SYCP2L: variants seen among roughly 807,000 people sequenced by gnomAD.
SYCP2L encodes synaptonemal complex protein 2 like.
A neutral mutation model predicts 125.8 loss-of-function variants in SYCP2L; 98 were observed. The ratio of observed to expected loss-of-function variants is 0.78; its 90% CI spans 0.66 to 0.92. SYCP2L has a LOEUF of 0.92. Among genes scored for constraint, SYCP2L ranks in the 40% least tolerant of loss-of-function variants. The probability of loss-of-function intolerance (pLI) is 0.00; values close to 1 mark genes in which losing one functional copy is unlikely to be tolerated. For missense variants in SYCP2L, 842 were observed against 936.4 expected, an observed-to-expected ratio of 0.90 and a Z score of 1.32; for synonymous variants, 317 against 325.4, an observed-to-expected ratio of 0.97 and a Z score of 0.28.
At position 10,927,341 on chromosome 6, in the gene SYCP2L, AT is replaced by A; in HGVS notation, c.1416del (p.Ile472MetfsTer57). ...AAATGACCAATCTGAGCCACCTGTT[AT>A]TGGGGAACCTGCCTCTGATAGTCAC... ...HLNDQSEPPV[I>X]GEPASDSHLQ... is the part of the protein sequence containing the mutation. On this transcript the variant is annotated frameshift_variant, in exon 17 of 30. Coordinates refer to ENST00000283141, the MANE Select transcript of SYCP2L (RefSeq NM_001040274.3). LOFTEE classifies it high-confidence loss of function. 1.2e-6 allele frequency: 2 copies of A among 1,613,816 alleles called. No individual in the cohort carries two copies. The highest frequency in any genetic ancestry group is 1.7e-6 in the Non-Finnish European group (2 of 1,179,994).
chr6:10,930,115 C>T, intron 18 of SYCP2L: 1 of 294,778 alleles, frequency 3.4e-6, no homozygotes, highest in Non-Finnish European at 6.2e-6. Flanking sequence ...GAACAGTCAT[C>T]CACCATCTCT....
At chr6:10,922,659 T>C (rs1203947260) in intron 14 of SYCP2L, 2 of 152,040 alleles carry the variant, frequency 1.3e-5, no homozygotes, top group African/African-American at 2.4e-5. Context: ...TTTTAAGATA[T>C]TTAAGATTAC....
intron 29 of SYCP2L, among the ~76,000 whole-genome samples, chr6:10,971,016 A>G (rs550733432): frequency 6.6e-6 from 1 of 152,286 alleles, no homozygotes; most frequent in Non-Finnish European, 1.5e-5. Context: ...GTTACCGAGG[A>G]TCAGAGTTTG....
chr6:10,904,009 TTCA>T (rs1255945355), intron 8 of SYCP2L, among the ~76,000 whole-genome samples: 2 of 152,176 alleles, frequency 1.3e-5, no homozygotes, highest in African/African-American at 4.8e-5. Flanking sequence ...CAGCTCTAAC[TTCA>T]TCACACCTCA....
chr6:10,907,892 G>GTGTTTTTTTTTTTTTTTTTTTT (rs1780526438), intron 10 of SYCP2L, among the ~76,000 whole-genome samples: 1 of 91,922 alleles, frequency 1.1e-5, no homozygotes, highest in African/African-American at 4.1e-5. Context: ...ATACAGATAG[G>GTGTTTTTTTTTTTTTTTTTTTT]TTTTTTTTTT....
chr6:10,931,353 G>C (rs1266110102), intron 19 of SYCP2L, 87 bp from the exon 20 acceptor site: 20 of 1,292,628 alleles, frequency 1.5e-5, no homozygotes, highest in Non-Finnish European at 2.2e-5. Context: ...ATTGCTTTTA[G>C]TGTTAGCATA....
At chr6:10,929,503 T>C (rs1255309701) in intron 18 of SYCP2L, among the ~76,000 whole-genome samples, 1 of 152,210 alleles carries the variant, frequency 6.6e-6, no homozygotes. Flanking sequence ...TGAAAATTAA[T>C]GTAAGAACAG....
At chr6:10,905,960 A>C in intron 8 of SYCP2L, 60 bp from the exon 9 acceptor site, 2 of 1,111,540 alleles carry the variant, frequency 1.8e-6, no homozygotes, top group Admixed American at 1.9e-5. Flanking sequence ...ATGCTAGTGT[A>C]GTAAAGTTTT....
intron 29 of SYCP2L, among the ~76,000 whole-genome samples, chr6:10,968,203 G>GTGA (rs1781711215): frequency 6.6e-6 from 1 of 152,224 alleles, no homozygotes; most frequent in Admixed American, 6.5e-5. Context: ...CAAGACATCT[G>GTGA]TGATGATAAC....
chr6:10,971,779 G>A (rs1781779481), intron 29 of SYCP2L, among the ~76,000 whole-genome samples: 1 of 131,634 alleles, frequency 7.6e-6, no homozygotes, highest in South Asian at 2.9e-4. Flanking sequence ...CTCCTCTGAG[G>A]TTCAAGCGAT....
intron 26 of SYCP2L, 100 bp from the exon 27 acceptor site, chr6:10,961,205 G>A (rs1781586946): frequency 3.3e-6 from 3 of 900,346 alleles, no homozygotes; most frequent in Admixed American, 4.4e-5. Context: ...AATGTCTGGA[G>A]AAGAGTCTGA....
At chr6:10,928,737 T>C (rs1214003666) in intron 18 of SYCP2L, among the ~76,000 whole-genome samples, 1 of 152,028 alleles carries the variant, frequency 6.6e-6, no homozygotes, top group Non-Finnish European at 1.5e-5. Flanking sequence ...GGAGTCTCGC[T>C]CCATTCCCCA....
intron 14 of SYCP2L, among the ~76,000 whole-genome samples, chr6:10,913,174 G>A (rs936762609): frequency 2.6e-5 from 4 of 152,140 alleles, no homozygotes; most frequent in Non-Finnish European, 5.9e-5. Context: ...ATTAAAAGTA[G>A]AACTACCATA....
At chr6:10,935,899 C>T (rs1174089154) in intron 21 of SYCP2L, among the ~76,000 whole-genome samples, 2 of 152,124 alleles carry the variant, frequency 1.3e-5, no homozygotes, top group Non-Finnish European at 2.9e-5. Context: ...TTCCATAAAA[C>T]TTTATTTATA....
At chr6:10,963,940 T>C in intron 29 of SYCP2L, 97 bp downstream of exon 29, 1 of 893,040 alleles carries the variant, frequency 1.1e-6, no homozygotes, top group South Asian at 1.7e-5. Flanking sequence ...TCATATGACA[T>C]TTCTGCAGCG....
At chr6:10,950,487 C>T (rs568383905) in intron 23 of SYCP2L, among the ~76,000 whole-genome samples, 2 of 152,168 alleles carry the variant, frequency 1.3e-5, no homozygotes, top group South Asian at 4.2e-4. Flanking sequence ...TATCACTGTC[C>T]TTTTGTTCTT....
At chr6:10,964,490 T>G (rs925203651) in intron 29 of SYCP2L, among the ~76,000 whole-genome samples, 4 of 152,202 alleles carry the variant, frequency 2.6e-5, no homozygotes, top group Non-Finnish European at 5.9e-5. Flanking sequence ...TTGAGCATCC[T>G]TAATCTAAAA....
intron 14 of SYCP2L, among the ~76,000 whole-genome samples, chr6:10,918,197 C>CAAAAAAA (rs540012555): frequency 1.3e-5 from 1 of 77,966 alleles, no homozygotes; most frequent in Non-Finnish European, 2.6e-5. Flanking sequence ...GACTCCATCT[C>CAAAAAAA]AAAAAAAAAA....
chr6:10,906,992 A>G (rs957083169), intron 9 of SYCP2L, among the ~76,000 whole-genome samples: 2 of 152,172 alleles, frequency 1.3e-5, no homozygotes, highest in African/African-American at 4.8e-5. Flanking sequence ...ATTTATTTAA[A>G]AATTGTTATA....
Sources: gnomAD v4.1 joint callset for allele counts (sites outside exome capture counted in the v4.1 genomes callset) on GRCh38, gnomAD v4.1.1 for gene constraint, MANE v1.5 for transcripts, NCBI Gene and HGNC (gene_info 2026-07-23, HGNC 2026-07-21) for gene names.